IP6K2: variants seen among roughly 807,000 people sequenced by gnomAD.
The protein encoded by IP6K2 is ATP:1D-myo-inositol-hexakisphosphate phosphotransferase.
In IP6K2, 9 loss-of-function variants were observed where a neutral mutation model predicts 43.3. The observed-to-expected ratio is 0.21, with a 90% CI of 0.13 to 0.36. The LOEUF (loss-of-function observed/expected upper bound fraction) is 0.36, where lower values mean the gene tolerates loss of function less well. IP6K2 is among the 10% of genes least tolerant of loss of function. The pLI is 1.00. For synonymous variants in IP6K2, 209 were observed against 202.4 expected (o/e 1.03, Z -0.28); for missense variants, 332 against 538.4 (o/e 0.62, Z 3.79).
intron 1 of IP6K2, among the ~76,000 whole-genome samples, chr3:48,706,904 T>A (rs1175481028): frequency 6.6e-6 from 1 of 152,214 alleles, no homozygotes; most frequent in Non-Finnish European, 1.5e-5. Flanking sequence ...TCTGCATTTT[T>A]AAATGTGTAA....
intron 1 of IP6K2, among the ~76,000 whole-genome samples, chr3:48,697,373 G>A (rs1331473569): frequency 3.4e-5 from 5 of 148,606 alleles, no homozygotes; most frequent in African/African-American, 7.5e-5. Flanking sequence ...TTGCTCTGTC[G>A]CCCAGGCTGA....
intron 1 of IP6K2, among the ~76,000 whole-genome samples, chr3:48,704,019 G>A (rs772876917): frequency 1.3e-5 from 2 of 152,108 alleles, no homozygotes; most frequent in African/African-American, 4.8e-5. Flanking sequence ...TTGAACCCAG[G>A]AGGCAGAGGC....
At chr3:48,713,102 A>G (rs1019315188) in intron 1 of IP6K2, among the ~76,000 whole-genome samples, 1 of 152,232 alleles carries the variant, frequency 6.6e-6, no homozygotes, top group Non-Finnish European at 1.5e-5. Context: ...TTATACCAAA[A>G]AGCCATATCC....
chr3:48,714,847 CA>C (rs61218247), intron 1 of IP6K2, among the ~76,000 whole-genome samples: 27 of 100,042 alleles, frequency 2.7e-4, no homozygotes, highest in African/African-American at 3.2e-4. Context: ...GACTCCGTCT[CA>C]AAAAAAAAAA....
intron 2 of IP6K2, chr3:48,694,556 AATT>A (rs1164364496): frequency 2.9e-5 from 44 of 1,521,564 alleles, no homozygotes; most frequent in Non-Finnish European, 3.8e-5. Flanking sequence ...AGAAATAAAA[AATT>A]ATCATATGTG....
intron 1 of IP6K2, among the ~76,000 whole-genome samples, chr3:48,702,447 C>A (rs1206954879): frequency 6.6e-6 from 1 of 150,602 alleles, no homozygotes; most frequent in African/African-American, 2.5e-5. Context: ...ATGTCACCCC[C>A]CCTTTTTTTT....
chr3:48,689,506 G>C, intron 5 of IP6K2, 32 bp downstream of exon 5: 1 of 1,589,628 alleles, frequency 6.3e-7, no homozygotes, highest in Non-Finnish European at 8.5e-7. Context: ...ACAGCCACTG[G>C]ATGCCCTAGC....
chr3:48,695,544 G>T lies in IP6K2; in HGVS notation c.-130-123C>A. 8.1e-7 allele frequency: 1 copy of T among 1,235,414 alleles called. No homozygotes were observed. The highest frequency in any genetic ancestry group is 1.0e-6 in the Non-Finnish European group (1 of 976,778). 76.5% of individuals were successfully genotyped at this position (1,235,414 alleles called of 1,614,324 possible). ...ACAGTCTGAGTTCTTGCGGGACTCC[G>T]CCCATGCCACCCACCTTGGCCCCCG... On this transcript the variant is annotated intron_variant, in intron 1 of 5. Transcript: ENST00000328631. The surrounding 1 kb of genome is among the most constrained non-coding windows in gnomAD (Gnocchi z 4.6).
chr3:48,703,365 T>C (rs2079282851), intron 1 of IP6K2, among the ~76,000 whole-genome samples: 1 of 152,196 alleles, frequency 6.6e-6, no homozygotes, highest in African/African-American at 2.4e-5. Flanking sequence ...ACTGAGGTCA[T>C]ATCCCAAAGA....
At chr3:48,702,449 CT>C (rs375467398) in intron 1 of IP6K2, among the ~76,000 whole-genome samples, 2,397 of 147,030 alleles carry the variant, frequency 0.016, 70 homozygotes, top group African/African-American at 0.056. Context: ...GTCACCCCCC[CT>C]TTTTTTTTTT....
intron 1 of IP6K2, among the ~76,000 whole-genome samples, chr3:48,708,561 C>T (rs1302774810): frequency 1.5e-5 from 2 of 133,692 alleles, no homozygotes; most frequent in Non-Finnish European, 3.3e-5. Context: ...GTATTCTATA[C>T]ACATACCAGG....
chr3:48,689,463 G>T, intron 5 of IP6K2, 75 bp downstream of exon 5: 1 of 1,466,820 alleles, frequency 6.8e-7, no homozygotes, highest in South Asian at 1.3e-5. Context: ...GGAATCTTTT[G>T]AGCAAACAGG....
intron 1 of IP6K2, among the ~76,000 whole-genome samples, chr3:48,702,021 T>C (rs985522260): frequency 1.3e-5 from 2 of 152,210 alleles, no homozygotes; most frequent in African/African-American, 2.4e-5. Context: ...TTTGAGTATC[T>C]TGAATCACTC....
intron 1 of IP6K2, among the ~76,000 whole-genome samples, chr3:48,708,994 C>G (rs7610519): frequency 0.81 from 122,563 of 152,202 alleles, 49,610 homozygotes; most frequent in East Asian, 1. Context: ...CTTGAGGCTG[C>G]AAAGCTCAAG....
intron 5 of IP6K2, among the ~76,000 whole-genome samples, chr3:48,689,077 G>A (rs971689011): frequency 2.0e-5 from 3 of 152,226 alleles, no homozygotes; most frequent in Non-Finnish European, 4.4e-5. Flanking sequence ...CAGCCAACCA[G>A]ACCAATCTGA....
chr3:48,715,417 G>C (rs187029434), intron 1 of IP6K2: 3 of 1,536,152 alleles, frequency 2.0e-6, no homozygotes, highest in African/African-American at 2.7e-5. Context: ...TCTTGGAAGG[G>C]AGACTGGCAA....
chr3:48,710,386 T>C (rs2080344343), intron 1 of IP6K2, among the ~76,000 whole-genome samples: 1 of 152,198 alleles, frequency 6.6e-6, no homozygotes, highest in African/African-American at 2.4e-5. Context: ...AGTGAGACCC[T>C]GTCTCTAAAA....
At chr3:48,706,735 G>C (rs1338250245) in intron 1 of IP6K2, among the ~76,000 whole-genome samples, 1 of 152,084 alleles carries the variant, frequency 6.6e-6, no homozygotes, top group Non-Finnish European at 1.5e-5. Context: ...AGCTACTTGG[G>C]GGGCTGAAGC....
intron 2 of IP6K2, chr3:48,694,446 A>C: frequency 6.5e-7 from 1 of 1,549,046 alleles, no homozygotes; most frequent in Non-Finnish European, 8.7e-7. Context: ...TAATTTCTTT[A>C]ATGGATTCTT....
Sources: allele counts gnomAD v4.1 joint callset (sites outside exome capture counted in the v4.1 genomes callset), GRCh38; gene constraint gnomAD v4.1.1; non-coding constraint Gnocchi (gnomAD v3.1); transcripts MANE v1.5; gene names NCBI Gene and HGNC (gene_info 2026-07-23, HGNC 2026-07-21).